The following PLCE1 variants were observed in gnomAD, a reference collection of about 807,000 sequenced individuals.
The protein encoded by PLCE1 is phospholipase C epsilon 1, also known as 1-phosphatidylinositol 4,5-bisphosphate phosphodiesterase epsilon-1.
In PLCE1, 119 loss-of-function variants were observed where a neutral mutation model predicts 242.8. The observed-to-expected ratio is 0.49, with a 90% CI of 0.42 to 0.57. PLCE1 has a LOEUF of 0.57. Among genes scored for constraint, PLCE1 ranks in the 20% least tolerant of loss-of-function variants. The pLI, the probability that PLCE1 is intolerant of heterozygous loss-of-function variation, is 0.00. For synonymous variants in PLCE1, 945 were observed against 1,017.4 expected, an observed-to-expected ratio of 0.93 and a Z score of 1.35; for missense variants, 2,441 against 2,788.8, an observed-to-expected ratio of 0.88 and a Z score of 2.81.
chr10:94,296,537 A>G (rs182304952), intron 23 of PLCE1, among the ~76,000 whole-genome samples: 58 of 152,252 alleles, frequency 3.8e-4, no homozygotes, highest in East Asian at 1.9e-3. Flanking sequence ...CTAGCCTCCA[A>G]CTTTTCTTCT....
intron 4 of PLCE1, among the ~76,000 whole-genome samples, chr10:94,199,559 C>T (rs147400923): frequency 5.3e-5 from 8 of 152,312 alleles, no homozygotes; most frequent in East Asian, 3.9e-4. Flanking sequence ...AACTTGTTTC[C>T]CACATGAGCT....
At chr10:94,092,691 C>A (rs1391925620) in intron 2 of PLCE1, among the ~76,000 whole-genome samples, 1 of 151,128 alleles carries the variant, frequency 6.6e-6, no homozygotes, top group Non-Finnish European at 1.5e-5. Flanking sequence ...GAAGAGACAT[C>A]TTTGAAAAAA....
At chr10:94,202,303 T>C (rs1166866634) in intron 4 of PLCE1, among the ~76,000 whole-genome samples, 1 of 152,124 alleles carries the variant, frequency 6.6e-6, no homozygotes, top group East Asian at 1.9e-4. Context: ...CCCTTCCCTC[T>C]ACCCCACCCC....
intron 2 of PLCE1, among the ~76,000 whole-genome samples, chr10:94,053,416 G>T (rs1448868414): frequency 6.6e-6 from 1 of 152,222 alleles, no homozygotes; most frequent in South Asian, 2.1e-4. Flanking sequence ...CTTTATGTCT[G>T]AGCAAATATT....
At chr10:94,319,001 T>G (rs1207407365) in intron 29 of PLCE1, among the ~76,000 whole-genome samples, 1 of 152,064 alleles carries the variant, frequency 6.6e-6, no homozygotes, top group Admixed American at 6.5e-5. Flanking sequence ...TGAGCCAAGA[T>G]TACACCACTG....
At chr10:94,032,579 T>C (rs555192889) in intron 2 of PLCE1, among the ~76,000 whole-genome samples, 2 of 152,276 alleles carry the variant, frequency 1.3e-5, no homozygotes, top group Admixed American at 1.3e-4. Context: ...GGTCCTGTTC[T>C]ATGGTGTAGT....
At chr10:94,001,662 A>G (rs1364894869) in intron 1 of PLCE1, among the ~76,000 whole-genome samples, 6 of 152,248 alleles carry the variant, frequency 3.9e-5, no homozygotes, top group Non-Finnish European at 2.9e-5. Flanking sequence ...ATCACATAAC[A>G]TGGCTTAATT....
At chr10:94,262,817 A>G in intron 14 of PLCE1, 85 bp downstream of exon 14, 1 of 971,082 alleles carries the variant, frequency 1.0e-6, no homozygotes, top group South Asian at 1.3e-5. Flanking sequence ...TTCTTTCTAT[A>G]CTTCTTTCCA....
intron 1 of PLCE1, among the ~76,000 whole-genome samples, chr10:94,006,497 G>C (rs995767387): frequency 6.6e-6 from 1 of 152,164 alleles, no homozygotes; most frequent in African/African-American, 2.4e-5. Context: ...TGTTTACCTA[G>C]CCATTCTCAG....
intron 3 of PLCE1, among the ~76,000 whole-genome samples, chr10:94,148,414 G>C (rs1455820662): frequency 2.0e-5 from 3 of 152,078 alleles, no homozygotes; most frequent in Non-Finnish European, 4.4e-5. Context: ...GGGAAGATAG[G>C]CATCCAGGAC....
chr10:94,257,427 C>T (rs1005959146), intron 11 of PLCE1, among the ~76,000 whole-genome samples: 2 of 151,958 alleles, frequency 1.3e-5, no homozygotes, highest in East Asian at 1.9e-4. Context: ...TGGGCATATA[C>T]CCAAAGGATT....
chr10:94,136,095 TGAATTAAACGG>T (rs2135950735), intron 3 of PLCE1, among the ~76,000 whole-genome samples: 1 of 152,178 alleles, frequency 6.6e-6, no homozygotes, highest in African/African-American at 2.4e-5. Context: ...ATGTTTGAAG[TGAATTAAACGG>T]AGTTGGTAAA....
intron 2 of PLCE1, among the ~76,000 whole-genome samples, chr10:94,092,412 A>T (rs114727413): frequency 0.022 from 3,357 of 152,260 alleles, 118 homozygotes; most frequent in African/African-American, 0.066. Context: ...ATAGCTCTGG[A>T]GGTTGGGATC....
At chr10:94,268,826 T>G in intron 16 of PLCE1, 103 bp from the exon 17 acceptor site, 1 of 736,920 alleles carries the variant, frequency 1.4e-6, no homozygotes, top group Non-Finnish European at 2.5e-6. Context: ...GCTTTAGTCC[T>G]GAGTGTAAAC....
intron 2 of PLCE1, among the ~76,000 whole-genome samples, chr10:94,076,247 A>G (rs2044497268): frequency 6.6e-6 from 1 of 152,152 alleles, no homozygotes; most frequent in South Asian, 2.1e-4. Flanking sequence ...CTTATTAGAG[A>G]GAAGAGTGTT....
At chr10:94,264,810 G>A (rs753475631) in intron 14 of PLCE1, among the ~76,000 whole-genome samples, 16 of 152,026 alleles carry the variant, frequency 1.1e-4, no homozygotes, top group Non-Finnish European at 1.5e-4. Flanking sequence ...GTGAGCCACC[G>A]CGCCTGGCTG....
intron 3 of PLCE1, among the ~76,000 whole-genome samples, chr10:94,154,378 T>C (rs1222281002): frequency 6.6e-6 from 1 of 152,058 alleles, no homozygotes; most frequent in Non-Finnish European, 1.5e-5. Flanking sequence ...ATAGAAAATA[T>C]AGAGGAAAAG....
intron 2 of PLCE1, among the ~76,000 whole-genome samples, chr10:94,048,974 G>A (rs2043686762): frequency 6.6e-6 from 1 of 151,694 alleles, no homozygotes; most frequent in Non-Finnish European, 1.5e-5. Context: ...GTGTTGCCTA[G>A]GCTGGTCTTG....
chr10:93,998,116 T>C (rs1017309082), intron 1 of PLCE1, among the ~76,000 whole-genome samples: 2 of 152,200 alleles, frequency 1.3e-5, no homozygotes, highest in African/African-American at 4.8e-5. Context: ...CCTCTTTTCT[T>C]GTGGGAGTTC....
Sources: allele counts gnomAD v4.1 joint callset (sites outside exome capture counted in the v4.1 genomes callset), GRCh38; gene constraint gnomAD v4.1.1; transcripts MANE v1.5; gene names NCBI Gene and HGNC (gene_info 2026-07-23, HGNC 2026-07-21).